CELF2: variants seen among roughly 807,000 people sequenced by gnomAD.
CELF2 encodes the protein CUG triplet repeat RNA-binding protein 2.
Under a neutral mutation model 62.6 loss-of-function variants are expected in CELF2, and 8 were observed. The ratio of observed to expected loss-of-function variants is 0.13; its 90% CI spans 0.07 to 0.23. The LOEUF (loss-of-function observed/expected upper bound fraction) is 0.23, where lower values mean the gene tolerates loss of function less well. CELF2 is among the 10% of genes least tolerant of loss of function. The pLI is 1.00. For synonymous variants in CELF2, 258 were observed against 250.0 expected (o/e 1.03, Z -0.30); for missense variants, 333 against 671.0 (o/e 0.50, Z 5.56).
intron 2 of CELF2, among the ~76,000 whole-genome samples, chr10:10,985,172 A>G (rs753650000): frequency 1.3e-5 from 2 of 152,212 alleles, no homozygotes; most frequent in African/African-American, 4.8e-5. Context: ...CTTTCAGTAC[A>G]GTGAAGACTG....
At chr10:11,021,521 G>C (rs2058315986) in intron 1 of CELF2, among the ~76,000 whole-genome samples, 1 of 152,170 alleles carries the variant, frequency 6.6e-6, no homozygotes, top group South Asian at 2.1e-4. Flanking sequence ...TGTTAGAGGG[G>C]CAGTGTGACG....
chr10:10,580,870 T>C, the CELF2 span, among the ~76,000 whole-genome samples: 1 of 152,214 alleles, frequency 6.6e-6, no homozygotes, highest in Non-Finnish European at 1.5e-5. Flanking sequence ...TCTTAGTGAC[T>C]GTAAAAACTC....
the CELF2 span, among the ~76,000 whole-genome samples, chr10:10,625,285 C>T: frequency 1.1e-3 from 167 of 152,302 alleles, no homozygotes; most frequent in African/African-American, 3.9e-3. Flanking sequence ...TATGGAAATA[C>T]AGCAATAATA....
At chr10:11,257,134 G>T (rs1253616181) in intron 4 of CELF2, among the ~76,000 whole-genome samples, 1 of 152,024 alleles carries the variant, frequency 6.6e-6, no homozygotes. Context: ...TACTTTCCTA[G>T]CTCCCCAGAG....
rs1449163104 is a variant in CELF2, at chr10:11,035,233, G to A, written c.74+17070G>A. Among the ~76,000 whole-genome samples the A allele has an allele frequency of 3.3e-5, 5 of 152,186 alleles. No homozygotes were observed. The South Asian group carries it at 6.2e-4, about 19-fold the overall frequency. On this transcript the variant is annotated intron_variant, in intron 1 of 12. Transcript: ENST00000633077. Reference sequence around the variant, plus strand: ...AAAAATTCTAACCTTTCTCCAAGCCGTCTTCTTACCTAAATCCTTATACAT... The same window carrying A: ...AAAAATTCTAACCTTTCTCCAAGCCATCTTCTTACCTAAATCCTTATACAT...
chr10:11,154,413 T>C (rs939093805), intron 1 of CELF2, among the ~76,000 whole-genome samples: 2 of 152,250 alleles, frequency 1.3e-5, no homozygotes, highest in Non-Finnish European at 2.9e-5. Context: ...AAGTAGAATG[T>C]CATTTGGCCT....
chr10:11,249,199 A>G lies in CELF2; in HGVS notation c.401A>G (p.Asn134Ser). 1 of 1,611,772 alleles carries G rather than the reference A, an allele frequency of 6.2e-7. No individual in the cohort carries two copies. The highest frequency in any genetic ancestry group is 8.5e-7 in the Non-Finnish European group (1 of 1,177,790). ...AAACCTGCAGATAGTGAAAAGTCCA[A>G]CGGTAGGTGGTAACCAACTGTCTTG... ...QMKPADSEKSNAVEDRKLFIG... is the reference protein window; with the variant it reads ...QMKPADSEKSSAVEDRKLFIG... Residue 134 changes from asparagine to serine, a missense_variant and splice_region_variant, in exon 4 of 13, where the codon AAC becomes AGC. This residue lies in a region of CELF2 where 253 missense variants were observed against 503.0 expected (regional missense o/e 0.50). Coordinates refer to ENST00000633077, the MANE Select transcript of CELF2 (RefSeq NM_001326342.2).
At chr10:11,033,735 C>T (rs1564454223) in intron 1 of CELF2, among the ~76,000 whole-genome samples, 2 of 152,244 alleles carry the variant, frequency 1.3e-5, no homozygotes, top group South Asian at 4.1e-4. Flanking sequence ...TGAGCCCCTA[C>T]AGTGGCAAAT....
chr10:10,978,037 T>TG (rs1397493071), intron 2 of CELF2, among the ~76,000 whole-genome samples: 1 of 147,970 alleles, frequency 6.8e-6, no homozygotes, highest in Non-Finnish European at 1.5e-5. Flanking sequence ...TTTTTTTGTT[T>TG]TTTGTTTTTT....
At chr10:11,101,074 G>A (rs956908900) in intron 1 of CELF2, among the ~76,000 whole-genome samples, 1 of 152,132 alleles carries the variant, frequency 6.6e-6, no homozygotes, top group African/African-American at 2.4e-5. Flanking sequence ...TTTAGAAGGG[G>A]AAATCAATAG....
chr10:10,634,762 A>G, the CELF2 span, among the ~76,000 whole-genome samples: 1 of 151,552 alleles, frequency 6.6e-6, no homozygotes, highest in Admixed American at 6.6e-5. Flanking sequence ...CCCGGGTTCA[A>G]GCGATTCTCC....
the CELF2 span, among the ~76,000 whole-genome samples, chr10:10,501,642 T>C: frequency 1.3e-5 from 2 of 152,326 alleles, no homozygotes; most frequent in African/African-American, 4.8e-5. Flanking sequence ...TATATTTATC[T>C]TGTATCCTGC....
At chr10:10,672,989 C>T in the CELF2 span, among the ~76,000 whole-genome samples, 3 of 151,772 alleles carry the variant, frequency 2.0e-5, no homozygotes, top group Admixed American at 6.6e-5. Context: ...TTGTAGTTTT[C>T]CTCATATAGA....
chr10:10,877,154 A>G (rs556935071), intron 1 of CELF2, among the ~76,000 whole-genome samples: 55 of 152,346 alleles, frequency 3.6e-4, no homozygotes, highest in African/African-American at 1.2e-3. Flanking sequence ...CAGTAATTCA[A>G]CTTTCCTTCA....
At chr10:10,610,952 T>A in the CELF2 span, among the ~76,000 whole-genome samples, 1 of 152,174 alleles carries the variant, frequency 6.6e-6, no homozygotes. Flanking sequence ...AATGACCCCA[T>A]GTGGCCTGAG....
At chr10:10,839,776 G>C (rs1203036661) in intron 1 of CELF2, among the ~76,000 whole-genome samples, 2 of 152,092 alleles carry the variant, frequency 1.3e-5, no homozygotes, top group Non-Finnish European at 2.9e-5. Context: ...AGGCTCTAAG[G>C]GTTTGAACGA....
chr10:10,621,420 A>G, the CELF2 span, among the ~76,000 whole-genome samples: 461 of 152,242 alleles, frequency 3.0e-3, 3 homozygotes, highest in African/African-American at 0.011. Flanking sequence ...AGAACAGTTG[A>G]GTTTTACATC....
chr10:10,857,152 A>G (rs2059763654), intron 1 of CELF2, among the ~76,000 whole-genome samples: 1 of 152,138 alleles, frequency 6.6e-6, no homozygotes, highest in African/African-American at 2.4e-5. Context: ...TTGCAGAGAA[A>G]GAGCTCCAGA....
At chr10:10,779,317 A>C in the CELF2 span, among the ~76,000 whole-genome samples, 3 of 152,334 alleles carry the variant, frequency 2.0e-5, 1 homozygote, top group South Asian at 6.2e-4. Context: ...TTAATGCAAC[A>C]TATGGTTGGT....
Sources: gnomAD v4.1 joint callset for allele counts (sites outside exome capture counted in the v4.1 genomes callset) on GRCh38, gnomAD v4.1.1 for gene constraint, gnomAD v4.1.1 regional missense constraint, MANE v1.5 for transcripts, NCBI Gene and HGNC (gene_info 2026-07-23, HGNC 2026-07-21) for gene names.